The following PHKB variants were observed in gnomAD, a reference collection of about 807,000 sequenced individuals.
PHKB encodes the protein phosphorylase b kinase regulatory subunit beta.
Under a neutral mutation model 152.1 loss-of-function variants are expected in PHKB, and 122 were observed. The observed-to-expected ratio is 0.80, with a 90% CI of 0.69 to 0.93. The LOEUF (loss-of-function observed/expected upper bound fraction) is 0.93. Ranked by LOEUF, PHKB falls within the 40% of genes least tolerant of loss-of-function variation. The probability of loss-of-function intolerance (pLI) is 0.00; values close to 1 mark genes in which losing one functional copy is unlikely to be tolerated. For synonymous variants in PHKB, 436 were observed against 464.9 expected, an observed-to-expected ratio of 0.94 and a Z score of 0.80; for missense variants, 1,304 against 1,328.4, an observed-to-expected ratio of 0.98 and a Z score of 0.29.
At chr16:47,595,268 G>A (rs1420099342) in intron 12 of PHKB, among the ~76,000 whole-genome samples, 1 of 152,144 alleles carries the variant, frequency 6.6e-6, no homozygotes, top group Admixed American at 6.6e-5. Flanking sequence ...AGTATTATCT[G>A]TATATCATAG....
At chr16:47,463,347 A>G (rs1969609880) in intron 1 of PHKB, 2 of 153,912 alleles carry the variant, frequency 1.3e-5, no homozygotes, top group Non-Finnish European at 2.9e-5. Flanking sequence ...ATGTTCCTGT[A>G]TGTTTACATC....
intron 1 of PHKB, among the ~76,000 whole-genome samples, chr16:47,482,636 T>A (rs1969981516): frequency 6.6e-6 from 1 of 151,318 alleles, no homozygotes; most frequent in South Asian, 2.1e-4. Flanking sequence ...AAAGTATTAC[T>A]TCTGTACGAC....
intron 13 of PHKB, chr16:47,599,037 A>G (rs1021260266): frequency 4.4e-6 from 3 of 677,634 alleles, no homozygotes; most frequent in Admixed American, 5.5e-5. Context: ...CACATGAAAT[A>G]GTTTTCTTAG....
intron 7 of PHKB, among the ~76,000 whole-genome samples, chr16:47,570,480 T>C (rs1457136495): frequency 1.3e-5 from 2 of 152,192 alleles, no homozygotes; most frequent in Non-Finnish European, 2.9e-5. Context: ...TGTTTCTTTG[T>C]ATTCTTTTTC....
chr16:47,698,409 T>G (rs1280776942), intron 29 of PHKB, 39 bp from the exon 30 acceptor site: 2 of 1,496,794 alleles, frequency 1.3e-6, no homozygotes, highest in Non-Finnish European at 9.3e-7. Flanking sequence ...GTCACTATTA[T>G]GGTTCATATA....
At chr16:47,673,788 G>A (rs944345866) in intron 26 of PHKB, among the ~76,000 whole-genome samples, 1 of 152,090 alleles carries the variant, frequency 6.6e-6, no homozygotes, top group Non-Finnish European at 1.5e-5. Flanking sequence ...AATAGAAGAA[G>A]AATAAAAATT....
At chr16:47,629,367 A>G (rs867724750) in intron 14 of PHKB, among the ~76,000 whole-genome samples, 4 of 152,080 alleles carry the variant, frequency 2.6e-5, no homozygotes, top group African/African-American at 4.8e-5. Flanking sequence ...GGCGAAGGAC[A>G]TGAACAGACA....
rs750018974 is a variant in PHKB at position 47,661,709 on chromosome 16, A to T, written c.2197-10A>T. ...TCATTCCAGTTCCTCACCGTGATTT[A>T]TATTTTCAGGATTGCAGTTGTCTGG... On this transcript the variant is annotated splice_polypyrimidine_tract_variant and intron_variant, in intron 22 of 30. Coordinates refer to ENST00000323584, the MANE Select transcript of PHKB (RefSeq NM_000293.3). The T allele has an allele frequency of 5.6e-5, 89 of 1,600,152 alleles. No individual in the cohort carries two copies. The highest frequency in any genetic ancestry group is 5.1e-5 in the Non-Finnish European group (60 of 1,167,578).
intron 26 of PHKB, among the ~76,000 whole-genome samples, chr16:47,670,572 T>C (rs1245346657): frequency 6.6e-6 from 1 of 151,642 alleles, no homozygotes; most frequent in Non-Finnish European, 1.5e-5. Flanking sequence ...TCACTGCAAC[T>C]GCCGCCTCCC....
intron 7 of PHKB, among the ~76,000 whole-genome samples, chr16:47,567,230 G>A (rs1322041216): frequency 6.6e-6 from 1 of 152,012 alleles, no homozygotes. Context: ...CCTGAGCATG[G>A]CATGTTTTTC....
At chr16:47,647,831 T>C (rs1183024518) in intron 16 of PHKB, among the ~76,000 whole-genome samples, 1 of 152,196 alleles carries the variant, frequency 6.6e-6, no homozygotes, top group Non-Finnish European at 1.5e-5. Context: ...TACCACAATA[T>C]TAAGTTTAAA....
chr16:47,697,042 A>G (rs1207463371), intron 29 of PHKB, among the ~76,000 whole-genome samples: 2 of 152,228 alleles, frequency 1.3e-5, no homozygotes, highest in Admixed American at 6.5e-5. Context: ...ATAAAGTTAC[A>G]TGTAAAATTA....
intron 13 of PHKB, among the ~76,000 whole-genome samples, chr16:47,602,469 C>G (rs985971275): frequency 4.0e-5 from 6 of 151,574 alleles, no homozygotes; most frequent in Non-Finnish European, 2.9e-5. Context: ...AAACTTGTAA[C>G]CATGGGGTTA....
intron 14 of PHKB, among the ~76,000 whole-genome samples, chr16:47,630,041 G>T (rs191590087): frequency 1.3e-4 from 20 of 152,138 alleles, no homozygotes; most frequent in Admixed American, 6.5e-4. Flanking sequence ...GGGGGAGGAG[G>T]GGGGGATGGC....
At chr16:47,505,237 T>C (rs991012774) in intron 4 of PHKB, among the ~76,000 whole-genome samples, 2 of 152,184 alleles carry the variant, frequency 1.3e-5, no homozygotes, top group African/African-American at 4.8e-5. Flanking sequence ...GGGTATGGAA[T>C]GTGAGTGCCT....
Position 47,685,188 on chromosome 16 carries a change from A to C in PHKB, c.2631-3853A>C, listed in dbSNP as rs189488160. Among the ~76,000 whole-genome samples, 57 of 152,204 alleles carry C rather than the reference A, an allele frequency of 3.7e-4. No individual in the cohort carries two copies. In the East Asian group the frequency reaches 0.011, roughly 29 times the overall value. On this transcript the variant is annotated intron_variant, in intron 26 of 30. Coordinates refer to ENST00000323584, the MANE Select transcript of PHKB (RefSeq NM_000293.3). The stretch of plus-strand genomic sequence containing the variant: ...ACGCCTGTAATCCCAGCACTTTGGG[A>C]GGCCGAGGTGGGCGGATCACGAGGT...
At chr16:47,627,968 GA>G (rs938395223) in intron 14 of PHKB, among the ~76,000 whole-genome samples, 3 of 152,140 alleles carry the variant, frequency 2.0e-5, no homozygotes, top group African/African-American at 7.2e-5. Flanking sequence ...AGGTTTTGCT[GA>G]AAAATGAGTG....
intron 7 of PHKB, among the ~76,000 whole-genome samples, chr16:47,556,542 G>A (rs540346867): frequency 1.1e-4 from 16 of 152,122 alleles, no homozygotes; most frequent in Middle Eastern, 3.4e-3. Context: ...GGTTTTTGTC[G>A]TTGGTTCTGT....
At chr16:47,639,500 T>G (rs1972979793) in intron 14 of PHKB, among the ~76,000 whole-genome samples, 1 of 152,198 alleles carries the variant, frequency 6.6e-6, no homozygotes, top group Non-Finnish European at 1.5e-5. Context: ...TGAACCAGAC[T>G]ATTTGAAATG....
Sources: allele counts gnomAD v4.1 joint callset (sites outside exome capture counted in the v4.1 genomes callset), GRCh38; gene constraint gnomAD v4.1.1; transcripts MANE v1.5; gene names NCBI Gene and HGNC (gene_info 2026-07-23, HGNC 2026-07-21).